Variants in PCSK6 observed in about 807,000 individuals in gnomAD.
PCSK6 encodes the protein proprotein convertase subtilisin/kexin type 6.
A neutral mutation model predicts 123.3 loss-of-function variants in PCSK6; 85 were observed. That is an observed-to-expected ratio of 0.69 (90% CI 0.58 to 0.83). PCSK6 has a LOEUF of 0.83. PCSK6 is among the 40% of genes least tolerant of loss of function. The pLI is 0.00. For synonymous variants in PCSK6, 508 were observed against 516.0 expected, an observed-to-expected ratio of 0.98 and a Z score of 0.21; for missense variants, 1,191 against 1,282.3, an observed-to-expected ratio of 0.93 and a Z score of 1.09.
chr15:101,373,780 A>C (rs1252737893), intron 11 of PCSK6, among the ~76,000 whole-genome samples: 1 of 152,236 alleles, frequency 6.6e-6, no homozygotes, highest in African/African-American at 2.4e-5. Flanking sequence ...AGTTATTTCT[A>C]AGGTAACGCT....
chr15:101,329,761 T>G (rs1055625913), intron 15 of PCSK6, among the ~76,000 whole-genome samples: 3 of 152,238 alleles, frequency 2.0e-5, no homozygotes, highest in African/African-American at 7.2e-5. Context: ...CTTCCTTTGC[T>G]CAACCATGGC....
At chr15:101,340,970 G>A (rs2040590752) in intron 13 of PCSK6, among the ~76,000 whole-genome samples, 1 of 143,600 alleles carries the variant, frequency 7.0e-6, no homozygotes, top group South Asian at 2.2e-4. Context: ...TTTTGAGACA[G>A]AGTCACCCAG....
At position 101,483,567 on chromosome 15, in the gene PCSK6, A is replaced by G. The variant is rs138659861; in HGVS notation, c.297+5807T>C. ...GCATGGCATCCAAGAACCACCCTTAAGATAAACATCATTTCCAAGAGCAGC... is the reference window on the plus strand; with the variant it reads ...GCATGGCATCCAAGAACCACCCTTAGGATAAACATCATTTCCAAGAGCAGC... On this transcript the variant is annotated intron_variant, in intron 1 of 21. Coordinates refer to ENST00000611716, the MANE Select transcript of PCSK6 (RefSeq NM_002570.5). 1.2e-3 allele frequency among the ~76,000 whole-genome samples: 178 copies of G among 152,350 alleles called. 5 individuals carry two copies. The East Asian group carries it at 0.027, about 23-fold the overall frequency.
At chr15:101,426,243 T>C (rs1038236759) in intron 6 of PCSK6, among the ~76,000 whole-genome samples, 21 of 152,324 alleles carry the variant, frequency 1.4e-4, no homozygotes, top group African/African-American at 5.1e-4. Context: ...GGTATCTGAC[T>C]TCATCCTCAT....
At chr15:101,441,032 G>A (rs2056740939) in intron 2 of PCSK6, among the ~76,000 whole-genome samples, 1 of 152,198 alleles carries the variant, frequency 6.6e-6, no homozygotes, top group South Asian at 2.1e-4. Context: ...AACGTTCCAG[G>A]AAGGCCTGGG....
intron 2 of PCSK6, among the ~76,000 whole-genome samples, chr15:101,436,359 G>A (rs2056600774): frequency 6.6e-6 from 1 of 152,230 alleles, no homozygotes; most frequent in Non-Finnish European, 1.5e-5. Flanking sequence ...CGCACCGGCA[G>A]GGCTGCGGAC....
chr15:101,453,212 G>A (rs2057080540), intron 1 of PCSK6, among the ~76,000 whole-genome samples: 1 of 152,198 alleles, frequency 6.6e-6, no homozygotes, highest in African/African-American at 2.4e-5. Context: ...TTTTGTAAAA[G>A]AGACAGAAAA....
intron 7 of PCSK6, among the ~76,000 whole-genome samples, chr15:101,397,661 C>T (rs1477543424): frequency 6.6e-6 from 1 of 152,334 alleles, no homozygotes; most frequent in African/African-American, 2.4e-5. Context: ...CTCTGTCTGC[C>T]TGCTCCAAGA....
intron 13 of PCSK6, chr15:101,347,328 T>C (rs1252721017): frequency 5.7e-6 from 7 of 1,234,226 alleles, no homozygotes; most frequent in Non-Finnish European, 7.1e-6. Context: ...TGGCTAGCAA[T>C]AAAATGAGAA....
intron 6 of PCSK6, among the ~76,000 whole-genome samples, chr15:101,409,857 C>T (rs948781604): frequency 6.6e-6 from 1 of 152,180 alleles, no homozygotes; most frequent in Non-Finnish European, 1.5e-5. Context: ...GCATGGGGCA[C>T]GAAGCCAGGA....
chr15:101,366,464 T>G, intron 12 of PCSK6, 132 bp from the exon 13 acceptor site: 1 of 850,932 alleles, frequency 1.2e-6, no homozygotes, highest in South Asian at 2.0e-5. Flanking sequence ...AGCGGGGGTC[T>G]GGCCCCAGCC....
At chr15:101,319,014 C>T (rs1417530140) in intron 18 of PCSK6, among the ~76,000 whole-genome samples, 1 of 152,218 alleles carries the variant, frequency 6.6e-6, no homozygotes, top group Non-Finnish European at 1.5e-5. Context: ...CTCCAGCCAG[C>T]CGAGTGCTGG....
In PCSK6 at chr15:101,411,463, C is replaced by T. The variant is rs140986171; in HGVS notation, c.824-12887G>A. On this transcript the variant is annotated intron_variant, in intron 6 of 21. Transcript: ENST00000611716. The stretch of plus-strand genomic sequence containing the variant: ...CAACAGCTCCCTCCACTCCACATCA[C>T]AGAAAGACCCCTGCCGTCAGACCAG... Among the ~76,000 whole-genome samples the T allele has an allele frequency of 6.0e-3, 911 of 152,272 alleles. 6 individuals carry two copies. The highest frequency in any genetic ancestry group is 0.026 in the South Asian group (124 of 4,822).
At chr15:101,322,451 G>T in intron 18 of PCSK6, 69 bp downstream of exon 18, 1 of 1,081,584 alleles carries the variant, frequency 9.2e-7, no homozygotes, top group Non-Finnish European at 1.4e-6. Context: ...GCACCAACGT[G>T]GTAAATCCAT....
chr15:101,427,813 C>T (rs1226911914), intron 6 of PCSK6, 79 bp downstream of exon 6: 2 of 1,160,938 alleles, frequency 1.7e-6, no homozygotes, highest in Admixed American at 4.1e-5. Flanking sequence ...CAGGAGGCTG[C>T]TGAGACCAGC....
rs150164331 is a variant in PCSK6, at chr15:101,409,413, G to A, written c.824-10837C>T. 9.6e-3 allele frequency among the ~76,000 whole-genome samples: 1,464 copies of A among 152,176 alleles called. 23 individuals are homozygous for A. The highest frequency in any genetic ancestry group is 0.033 in the African/African-American group (1,367 of 41,464). On this transcript the variant is annotated intron_variant, in intron 6 of 21. Coordinates refer to ENST00000611716, the MANE Select transcript of PCSK6 (RefSeq NM_002570.5). ...ATCCTGGCTAACACAGTGAAACCCCGTCTCTACTAAAAAGGCAGAAAATTA... is the reference window on the plus strand; with the variant it reads ...ATCCTGGCTAACACAGTGAAACCCCATCTCTACTAAAAAGGCAGAAAATTA...
intron 13 of PCSK6, among the ~76,000 whole-genome samples, chr15:101,345,736 C>T (rs564366900): frequency 5.9e-5 from 9 of 152,202 alleles, no homozygotes; most frequent in African/African-American, 9.6e-5. Flanking sequence ...GGCAAAATCT[C>T]GGCTCACTGC....
intron 17 of PCSK6, among the ~76,000 whole-genome samples, chr15:101,324,356 G>C (rs1341878581): frequency 6.6e-6 from 1 of 152,186 alleles, no homozygotes; most frequent in Non-Finnish European, 1.5e-5. Context: ...CTGCCGAGGA[G>C]GGCTCTCCCC....
chr15:101,488,139 G>A (rs2058063342), intron 1 of PCSK6, among the ~76,000 whole-genome samples: 1 of 152,224 alleles, frequency 6.6e-6, no homozygotes, highest in Non-Finnish European at 1.5e-5. Flanking sequence ...AATCAGGGAC[G>A]CCACCACACC....
Sources: allele counts gnomAD v4.1 joint callset (sites outside exome capture counted in the v4.1 genomes callset), GRCh38; gene constraint gnomAD v4.1.1; transcripts MANE v1.5; gene names NCBI Gene and HGNC (gene_info 2026-07-23, HGNC 2026-07-21).